Variants in OR9Q1 observed in about 807,000 individuals in gnomAD.
OR9Q1 encodes the protein olfactory receptor family 9 subfamily Q member 1.
For missense variants in OR9Q1, 374 were observed against 378.8 expected, an observed-to-expected ratio of 0.99 and a Z score of 0.11; for synonymous variants, 153 against 148.6, an observed-to-expected ratio of 1.03 and a Z score of -0.22.
chr11:58,099,538 T>C (rs866175666), intron 2 of OR9Q1, among the ~76,000 whole-genome samples: 23 of 152,078 alleles, frequency 1.5e-4, no homozygotes, highest in African/African-American at 5.5e-4. Context: ...CTGGCTTTCT[T>C]ATGCTTAGTG....
chr11:58,026,165 G>C (rs1286023771), intron 1 of OR9Q1, among the ~76,000 whole-genome samples: 1 of 152,198 alleles, frequency 6.6e-6, no homozygotes, highest in East Asian at 1.9e-4. Context: ...TTTTGGGTTA[G>C]AGGCCTGATG....
At chr11:58,079,138 T>C (rs1444577790) in intron 2 of OR9Q1, among the ~76,000 whole-genome samples, 1 of 152,176 alleles carries the variant, frequency 6.6e-6, no homozygotes, top group Admixed American at 6.5e-5. Flanking sequence ...AGATGCAGGG[T>C]AGGTCCTACA....
In OR9Q1 at chr11:58,120,420, G is replaced by T. The variant is rs1014325515; in HGVS notation, c.-14-59011G>T. 5.3e-5 allele frequency among the ~76,000 whole-genome samples: 8 copies of T among 152,070 alleles called. No homozygotes were observed. In the South Asian group the frequency reaches 1.7e-3, roughly 32 times the overall value. ...GGTCTTTTAATTTTTTTAAGGAAAAGAAAATTTATTATCTTTTTTTGAATT... is the reference window on the plus strand; with the variant it reads ...GGTCTTTTAATTTTTTTAAGGAAAATAAAATTTATTATCTTTTTTTGAATT... On this transcript the variant is annotated intron_variant, in intron 2 of 2. Transcript: ENST00000335397.
chr11:58,103,753 A>G (rs1016998723), intron 2 of OR9Q1, among the ~76,000 whole-genome samples: 2 of 152,222 alleles, frequency 1.3e-5, no homozygotes, highest in African/African-American at 4.8e-5. Flanking sequence ...TCATAAGGAA[A>G]GAATTATTAC....
chr11:58,138,176 C>T (rs1854207268), intron 2 of OR9Q1, among the ~76,000 whole-genome samples: 1 of 152,158 alleles, frequency 6.6e-6, no homozygotes, highest in Admixed American at 6.5e-5. Context: ...ATGCTTCCTC[C>T]TCCTTTCCCA....
chr11:58,108,907 A>T, intron 2 of OR9Q1: 1 of 361,250 alleles, frequency 2.8e-6, no homozygotes, highest in Non-Finnish European at 5.5e-6. Flanking sequence ...AAGTGTCCCA[A>T]AGAAGAGGAC....
chr11:58,176,479 A>T (rs562153427), intron 2 of OR9Q1, among the ~76,000 whole-genome samples: 1 of 152,200 alleles, frequency 6.6e-6, no homozygotes, highest in South Asian at 2.1e-4. Context: ...TTCTCCAAAG[A>T]GATTTGTGTT....
chr11:58,086,555 C>A (rs1192163487), intron 2 of OR9Q1, among the ~76,000 whole-genome samples: 1 of 151,822 alleles, frequency 6.6e-6, no homozygotes. Flanking sequence ...AATCTACCAT[C>A]CCATGTTCAT....
chr11:58,119,463 T>C, intron 2 of OR9Q1: 2 of 1,416,210 alleles, frequency 1.4e-6, no homozygotes, highest in South Asian at 2.5e-5. Flanking sequence ...TGTGGACTGT[T>C]GGTCTGAGGA....
intron 2 of OR9Q1, among the ~76,000 whole-genome samples, chr11:58,143,798 A>G (rs1020078143): frequency 1.6e-4 from 24 of 152,278 alleles, no homozygotes; most frequent in Admixed American, 6.5e-5. Flanking sequence ...GCAAACCACC[A>G]TGACACACAT....
intron 2 of OR9Q1, among the ~76,000 whole-genome samples, chr11:58,069,865 A>G (rs1853469113): frequency 6.6e-6 from 1 of 150,520 alleles, no homozygotes; most frequent in Admixed American, 6.7e-5. Flanking sequence ...GTGAGACCCT[A>G]TCTCAAACAA....
chr11:58,039,364 G>C (rs1853137932), intron 1 of OR9Q1, among the ~76,000 whole-genome samples: 1 of 152,160 alleles, frequency 6.6e-6, no homozygotes, highest in Non-Finnish European at 1.5e-5. Context: ...TCTTTGGCCA[G>C]CCTTGTCAAG....
intron 2 of OR9Q1, among the ~76,000 whole-genome samples, chr11:58,179,124 A>G (rs1401459114): frequency 1.3e-5 from 2 of 151,322 alleles, no homozygotes; most frequent in African/African-American, 4.9e-5. Context: ...TCCCAGGCTC[A>G]AATGATTCTT....
chr11:58,165,626 T>A (rs936858317), intron 2 of OR9Q1, among the ~76,000 whole-genome samples: 9 of 152,198 alleles, frequency 5.9e-5, no homozygotes, highest in African/African-American at 1.9e-4. Context: ...AGGATCCATG[T>A]GAAACTTGCT....
At chr11:58,129,975 G>T (rs1471961094) in intron 2 of OR9Q1, among the ~76,000 whole-genome samples, 7 of 151,854 alleles carry the variant, frequency 4.6e-5, no homozygotes, top group Non-Finnish European at 1.0e-4. Context: ...GTGCAGGTTT[G>T]TTACATAGGT....
At chr11:58,061,217 G>A (rs1487230774) in intron 2 of OR9Q1, among the ~76,000 whole-genome samples, 1 of 152,150 alleles carries the variant, frequency 6.6e-6, no homozygotes. Flanking sequence ...GTGCAGACAA[G>A]TTCTTTTACT....
intron 2 of OR9Q1, among the ~76,000 whole-genome samples, chr11:58,146,001 A>G (rs747245416): frequency 2.0e-5 from 3 of 152,212 alleles, no homozygotes; most frequent in Non-Finnish European, 4.4e-5. Context: ...AAGAAGGGAA[A>G]GGAGGTGTGT....
chr11:58,071,549 C>T (rs1048775592), intron 2 of OR9Q1, among the ~76,000 whole-genome samples: 4 of 151,776 alleles, frequency 2.6e-5, no homozygotes, highest in South Asian at 2.1e-4. Context: ...AAGAGCCTAG[C>T]GAAGTAGAGT....
chr11:58,031,875 T>A, intron 1 of OR9Q1: 1 of 1,612,858 alleles, frequency 6.2e-7, no homozygotes, highest in Non-Finnish European at 8.5e-7. Context: ...CTGGGTCGAG[T>A]CTTTTCTCTC....
Sources: gnomAD v4.1 joint callset for allele counts (sites outside exome capture counted in the v4.1 genomes callset) on GRCh38, gnomAD v4.1.1 for gene constraint, MANE v1.5 for transcripts, NCBI Gene and HGNC (gene_info 2026-07-23, HGNC 2026-07-21) for gene names.